Variants in SAMTOR observed in about 807,000 individuals in gnomAD.
SAMTOR encodes the protein UPF0532 protein C7orf60.
chr7:112,830,290 G>A, the SAMTOR span, among the ~76,000 whole-genome samples: 3 of 152,212 alleles, frequency 2.0e-5, no homozygotes, highest in Admixed American at 1.3e-4. Context: ...TGCTTCAAGT[G>A]GAAGAGGATA....
chr7:112,897,411 T>C, the SAMTOR span, among the ~76,000 whole-genome samples: 1 of 152,188 alleles, frequency 6.6e-6, no homozygotes, highest in Non-Finnish European at 1.5e-5. Context: ...CATATAAAAC[T>C]GGTGATATTC....
chr7:112,846,832 T>A, the SAMTOR span, among the ~76,000 whole-genome samples: 1 of 152,208 alleles, frequency 6.6e-6, no homozygotes, highest in Middle Eastern at 3.2e-3. Context: ...AATATGAGCA[T>A]TCTAGAAATT....
the SAMTOR span, among the ~76,000 whole-genome samples, chr7:112,912,461 T>C: frequency 0.011 from 1,624 of 152,164 alleles, 30 homozygotes; most frequent in African/African-American, 0.037. Context: ...GTTTTAAGTA[T>C]AACAAGAAGC....
At chr7:112,922,049 C>G in the SAMTOR span, among the ~76,000 whole-genome samples, 1 of 152,126 alleles carries the variant, frequency 6.6e-6, no homozygotes, top group Non-Finnish European at 1.5e-5. Flanking sequence ...TCACTGCAAC[C>G]TCCCTGCCTG....
the SAMTOR span, among the ~76,000 whole-genome samples, chr7:112,868,069 C>T: frequency 6.6e-6 from 1 of 152,146 alleles, no homozygotes; most frequent in African/African-American, 2.4e-5. Context: ...AGTTTCATTC[C>T]GAAACCACCC....
chr7:112,860,706 G>A, the SAMTOR span, among the ~76,000 whole-genome samples: 2 of 151,842 alleles, frequency 1.3e-5, no homozygotes, highest in Admixed American at 6.6e-5. Flanking sequence ...TCAGGAGATC[G>A]AGACCATCCA....
chr7:112,929,612 C>CA, the SAMTOR span, among the ~76,000 whole-genome samples: 1 of 152,002 alleles, frequency 6.6e-6, no homozygotes, highest in Non-Finnish European at 1.5e-5. Context: ...ATCAGTATGT[C>CA]AAAGAGATAT....
At chr7:112,895,167 A>AT in the SAMTOR span, among the ~76,000 whole-genome samples, 1 of 151,746 alleles carries the variant, frequency 6.6e-6, no homozygotes, top group Non-Finnish European at 1.5e-5. Context: ...TGATAATTAC[A>AT]TAAGAATTAC....
the SAMTOR span, among the ~76,000 whole-genome samples, chr7:112,880,741 T>C: frequency 1.1e-4 from 17 of 152,324 alleles, no homozygotes; most frequent in Admixed American, 6.5e-5. Flanking sequence ...AATATATTTG[T>C]ATATATATTT....
the SAMTOR span, among the ~76,000 whole-genome samples, chr7:112,874,495 A>G: frequency 4.6e-5 from 7 of 152,260 alleles, no homozygotes; most frequent in Non-Finnish European, 1.0e-4. Flanking sequence ...CCAAACGTAG[A>G]GGAGGGAGGT....
At chr7:112,828,382 T>C in the SAMTOR span, among the ~76,000 whole-genome samples, 3 of 152,150 alleles carry the variant, frequency 2.0e-5, no homozygotes, top group Admixed American at 6.5e-5. Context: ...TGGCAATCTT[T>C]GGTGGTCTTT....
chr7:112,860,529 TTAAAC>T, the SAMTOR span, among the ~76,000 whole-genome samples: 1 of 152,132 alleles, frequency 6.6e-6, no homozygotes, highest in Non-Finnish European at 1.5e-5. Flanking sequence ...ATTGACTTAA[TTAAAC>T]TAAGTCTCAC....
At chr7:112,873,961 G>A in the SAMTOR span, among the ~76,000 whole-genome samples, 1 of 151,982 alleles carries the variant, frequency 6.6e-6, no homozygotes, top group African/African-American at 2.4e-5. Context: ...AATGTTCCAC[G>A]TCACTAATCA....
At chr7:112,821,630 C>T in the SAMTOR span, 1 of 995,400 alleles carries the variant, frequency 1.0e-6, no homozygotes, top group South Asian at 2.0e-5. Context: ...CTGTAAACCT[C>T]TGCATTTCTT....
the SAMTOR span, among the ~76,000 whole-genome samples, chr7:112,931,665 C>T: frequency 6.6e-6 from 1 of 152,144 alleles, no homozygotes; most frequent in African/African-American, 2.4e-5. Flanking sequence ...AAGTCTTACC[C>T]TAATTTCTAT....
the SAMTOR span, among the ~76,000 whole-genome samples, chr7:112,904,053 C>A: frequency 2.6e-5 from 4 of 152,002 alleles, no homozygotes; most frequent in South Asian, 8.3e-4. Flanking sequence ...AGTTATGTAT[C>A]ACTTATCATA....
At chr7:112,852,457 T>C in the SAMTOR span, among the ~76,000 whole-genome samples, 5 of 151,898 alleles carry the variant, frequency 3.3e-5, no homozygotes, top group Admixed American at 6.6e-5. Context: ...ATAATAGACA[T>C]TGGAGAATCC....
At chr7:112,890,357 T>C in the SAMTOR span, among the ~76,000 whole-genome samples, 2 of 151,258 alleles carry the variant, frequency 1.3e-5, no homozygotes, top group African/African-American at 4.9e-5. Context: ...GCCTAAAAAA[T>C]AACAACCCCC....
chr7:112,826,487 G>A, the SAMTOR span, among the ~76,000 whole-genome samples: 1 of 152,040 alleles, frequency 6.6e-6, no homozygotes. Context: ...TTTAATGTTG[G>A]TAAAATCTGT....
Sources: gnomAD v4.1 joint callset for allele counts (sites outside exome capture counted in the v4.1 genomes callset) on GRCh38, gnomAD v4.1.1 for gene constraint, MANE v1.5 for transcripts, NCBI Gene and HGNC (gene_info 2026-07-23, HGNC 2026-07-21) for gene names.